COLEC12: variants seen among roughly 807,000 people sequenced by gnomAD.
COLEC12 encodes the protein collectin-12.
COLEC12 carries 33 observed loss-of-function variants against 71.1 expected under a neutral mutation model. That is an observed-to-expected ratio of 0.46 (90% CI 0.35 to 0.62). The LOEUF (loss-of-function observed/expected upper bound fraction) is 0.62. Among genes scored for constraint, COLEC12 ranks in the 20% least tolerant of loss-of-function variants. The pLI is 0.00. For missense variants in COLEC12, 765 were observed against 916.1 expected (o/e 0.84, Z 2.13); for synonymous variants, 350 against 353.0 (o/e 0.99, Z 0.10).
intron 2 of COLEC12, among the ~76,000 whole-genome samples, chr18:434,531 C>T (rs900053776): frequency 1.4e-4 from 21 of 152,198 alleles, no homozygotes; most frequent in African/African-American, 5.1e-4. Context: ...CTGGCCCATT[C>T]TTCCTCTGCA....
chr18:442,002 T>TACACACACAGACACACACACACACAC (rs1555620304), intron 2 of COLEC12, among the ~76,000 whole-genome samples: 2 of 120,744 alleles, frequency 1.7e-5, no homozygotes, highest in African/African-American at 7.8e-5. Context: ...TCTCTCTCTC[T>TACACACACAGACACACACACACACAC]ACACACACAC....
At chr18:358,350 G>A (rs1054633599) in intron 2 of COLEC12, among the ~76,000 whole-genome samples, 1 of 152,030 alleles carries the variant, frequency 6.6e-6, no homozygotes, top group Non-Finnish European at 1.5e-5. Context: ...TTATTACATT[G>A]TAATATATAA....
chr18:410,120 G>C (rs1215361625), intron 2 of COLEC12, among the ~76,000 whole-genome samples: 1 of 152,184 alleles, frequency 6.6e-6, no homozygotes. Context: ...CCAAGCACAT[G>C]GTAGACACTT....
chr18:443,391 T>C (rs943446588), intron 2 of COLEC12, among the ~76,000 whole-genome samples: 2 of 152,246 alleles, frequency 1.3e-5, no homozygotes, highest in Admixed American at 6.5e-5. Flanking sequence ...TTATCTTGTA[T>C]CTCACTTTCA....
At chr18:331,900 G>T in intron 7 of COLEC12, 123 bp from the exon 8 acceptor site, 1 of 648,014 alleles carries the variant, frequency 1.5e-6, no homozygotes. Flanking sequence ...AGAATGTGTA[G>T]CCTGCTTTTG....
chr18:386,615 A>G (rs1322088021), intron 2 of COLEC12, among the ~76,000 whole-genome samples: 1 of 152,190 alleles, frequency 6.6e-6, no homozygotes, highest in Non-Finnish European at 1.5e-5. Flanking sequence ...TGACTTGCTC[A>G]AGGTCACACC....
intron 2 of COLEC12, among the ~76,000 whole-genome samples, chr18:428,653 G>A (rs1916242637): frequency 6.6e-6 from 1 of 152,206 alleles, no homozygotes; most frequent in African/African-American, 2.4e-5. Context: ...AAAAGAAGCT[G>A]CATTGCATGT....
In COLEC12 at chr18:488,733, C is replaced by T. The variant is rs543296569; in HGVS notation, c.8-7976G>A. ...ACTAAAAATACAAAAATTCGCTGGG[C>T]GTGCTGGTGTGCACCTGTAATACCA... On this transcript the variant is annotated intron_variant, in intron 1 of 9. Transcript: ENST00000400256. 2.8e-4 allele frequency among the ~76,000 whole-genome samples: 42 copies of T among 151,808 alleles called. 1 individual carries two copies. Among genetic ancestry groups the T allele is most frequent in the Admixed American group, 1.6e-3 (25 of 15,244 alleles).
chr18:483,816 T>C (rs989420180), intron 1 of COLEC12, among the ~76,000 whole-genome samples: 4 of 152,238 alleles, frequency 2.6e-5, no homozygotes, highest in African/African-American at 9.6e-5. Context: ...TGCTTAGATA[T>C]CCATTCGTTT....
intron 2 of COLEC12, among the ~76,000 whole-genome samples, chr18:468,222 A>G (rs1423402584): frequency 6.8e-6 from 1 of 146,892 alleles, no homozygotes; most frequent in Non-Finnish European, 1.5e-5. Context: ...AGATCGCACC[A>G]TTGCACTCCA....
intron 1 of COLEC12, among the ~76,000 whole-genome samples, chr18:490,223 G>C (rs534801301): frequency 6.6e-6 from 1 of 152,220 alleles, no homozygotes; most frequent in Non-Finnish European, 1.5e-5. Flanking sequence ...CAGGGAAAAC[G>C]TGAGACCAGC....
chr18:334,866 C>T lies in COLEC12; in HGVS notation c.1692G>A (p.Leu564=), dbSNP rs1914074418. ...TGCCTGGTACCCCAGGCAAGCCTGG[C>T]AGTCCCCGAGGTCCAGGCACCCCAG... ...GEPGVPGPRG[L]PGLPGVPGMP... Residue 564 remains leucine, a synonymous_variant, in exon 6 of 10, where the codon CTG becomes CTA. Transcript: ENST00000400256. The T allele has an allele frequency of 2.0e-6, 3 of 1,522,134 alleles. No individual in the cohort carries two copies. The highest frequency in any genetic ancestry group is 1.3e-5 in the South Asian group (1 of 79,516). The allele number at this position is 1,522,134 out of a possible 1,614,324, so 94.3% of individuals were successfully genotyped here.
intron 2 of COLEC12, among the ~76,000 whole-genome samples, chr18:398,181 C>T (rs1247019868): frequency 6.6e-6 from 1 of 152,174 alleles, no homozygotes; most frequent in African/African-American, 2.4e-5. Context: ...GTGTCTCTTC[C>T]CATTAGTCCA....
chr18:433,211 T>C (rs780062110), intron 2 of COLEC12, among the ~76,000 whole-genome samples: 3 of 152,202 alleles, frequency 2.0e-5, no homozygotes, highest in Non-Finnish European at 4.4e-5. Context: ...GCAGCACTTA[T>C]TTCAGTCTGA....
chr18:494,385 A>G (rs1188200081), intron 1 of COLEC12, among the ~76,000 whole-genome samples: 1 of 152,192 alleles, frequency 6.6e-6, no homozygotes, highest in Admixed American at 6.5e-5. Context: ...ACAATTACTA[A>G]AACAACTTGA....
chr18:448,283 G>T (rs1916692052), intron 2 of COLEC12, among the ~76,000 whole-genome samples: 1 of 152,156 alleles, frequency 6.6e-6, no homozygotes, highest in Admixed American at 6.5e-5. Flanking sequence ...ACATGACTCT[G>T]GCAAACGAGC....
intron 9 of COLEC12, among the ~76,000 whole-genome samples, chr18:320,758 C>T (rs1405607712): frequency 6.6e-6 from 1 of 151,920 alleles, no homozygotes; most frequent in Non-Finnish European, 1.5e-5. Flanking sequence ...TCCCCATTTC[C>T]TCTGTCCCCT....
rs147232741 is a variant in COLEC12 at position 386,242 on chromosome 18, A to G, written c.59-28720T>C. ...ACTTATTCTTTACTACCTAAATCCA[A>G]TGTATTGAACATTGTTGAGCACCAA... On this transcript the variant is annotated intron_variant, in intron 2 of 9. Transcript: ENST00000400256. Among the ~76,000 whole-genome samples the G allele has an allele frequency of 1.7e-3, 252 of 152,278 alleles. 1 individual carries two copies. Among genetic ancestry groups the G allele is most frequent in the African/African-American group, 5.2e-3 (215 of 41,548 alleles).
At position 480,652 on chromosome 18, in the gene COLEC12, G is replaced by A. The variant is rs1014169868; in HGVS notation, c.58+55C>T. On this transcript the variant is annotated intron_variant, in intron 2 of 9. Transcript: ENST00000400256. The surrounding 1 kb of genome is among the most constrained non-coding windows in gnomAD (Gnocchi z 4.1). ...GCCTGCCAATGGTCTCTGAGGGTTC[G>A]TGGCTGCATCCCAGGTTGACCACTG... 325 of 1,495,986 alleles carry A rather than the reference G, an allele frequency of 2.2e-4. 4 individuals carry two copies. Among genetic ancestry groups the A allele is most frequent in the South Asian group, 2.0e-3 (176 of 88,656 alleles). The allele number at this position is 1,495,986 out of a possible 1,614,324, so 92.7% of individuals were successfully genotyped here.
Sources: allele counts gnomAD v4.1 joint callset (sites outside exome capture counted in the v4.1 genomes callset), GRCh38; gene constraint gnomAD v4.1.1; non-coding constraint Gnocchi (gnomAD v3.1); transcripts MANE v1.5; gene names NCBI Gene and HGNC (gene_info 2026-07-23, HGNC 2026-07-21).